HSPG2: variants seen among roughly 807,000 people sequenced by gnomAD.
The protein encoded by HSPG2 is basement membrane-specific heparan sulfate proteoglycan core protein.
HSPG2 carries 278 observed loss-of-function variants against 526.6 expected under a neutral mutation model. That is an observed-to-expected ratio of 0.53 (90% CI 0.48 to 0.58). The LOEUF is 0.58. Ranked by LOEUF, HSPG2 falls within the 20% of genes least tolerant of loss-of-function variation. HSPG2 has a pLI of 0.00. For missense variants in HSPG2, 5,354 were observed against 6,099.5 expected, an observed-to-expected ratio of 0.88 and a Z score of 4.07; for synonymous variants, 2,465 against 2,555.4, an observed-to-expected ratio of 0.96 and a Z score of 1.07.
intron 1 of HSPG2, among the ~76,000 whole-genome samples, chr1:21,918,505 C>T (rs1284731743): frequency 6.6e-6 from 1 of 151,636 alleles, no homozygotes; most frequent in East Asian, 1.9e-4. Flanking sequence ...AATAATAGTA[C>T]CTGCCTTATT....
intron 1 of HSPG2, among the ~76,000 whole-genome samples, chr1:21,929,566 C>T (rs1644293974): frequency 6.6e-6 from 1 of 150,788 alleles, no homozygotes; most frequent in African/African-American, 2.5e-5. Flanking sequence ...AGCCACCACT[C>T]CTGGCCCACC....
In HSPG2 at chr1:21,911,913, A is replaced by G. The variant is rs182334174; in HGVS notation, c.64-15603T>C. Among the ~76,000 whole-genome samples the G allele has an allele frequency of 3.9e-4, 60 of 152,262 alleles. No individual in the cohort carries two copies. In the East Asian group the frequency reaches 9.7e-3, roughly 25 times the overall value. The stretch of plus-strand genomic sequence containing the variant: ...TCTGAACTCTCACATACCCATAATT[A>G]CAACTGACCATATTTTCCAAAGCAG... On this transcript the variant is annotated intron_variant, in intron 1 of 96. Transcript: ENST00000374695.
chr1:21,852,382 T>A, intron 52 of HSPG2, 149 bp from the exon 53 acceptor site: 1 of 1,007,046 alleles, frequency 9.9e-7, no homozygotes, highest in Non-Finnish European at 1.5e-6. Context: ...TGCCCTCAGC[T>A]CAGCAACCCT....
rs752763005 is a variant in HSPG2, at chr1:21,855,570, T to G, written c.5807A>C (p.His1936Pro). 3 of 1,598,946 alleles carry G rather than the reference T, an allele frequency of 1.9e-6. No individual in the cohort carries two copies. The highest frequency in any genetic ancestry group is 2.7e-5 in the African/African-American group (2 of 74,774). The change falls in exon 46 of 97, where the codon CAC becomes CCC. Residue 1936 changes from histidine to proline, a missense_variant. Transcript: ENST00000374695. ...GGCCACCTGCTGCCCAGCGCTGCTG[T>G]GGGCTCGGCACAAGTACTGGGCCTG... Reference protein sequence around the residue: ...TDQAQYLCRAHSSAGQQVARA... With the variant: ...TDQAQYLCRAPSSAGQQVARA...
rs781371043 is a variant in HSPG2 at position 21,831,226 on chromosome 1, G to A, written c.11551C>T (p.Arg3851Trp). The change falls in exon 84 of 97, where the codon CGG becomes TGG. Residue 3851 changes from arginine (R) to tryptophan (W), a missense_variant. Transcript: ENST00000374695. ...GGGTGTGGGGTCACCTGGCAGGGCC[G>A]GTCCCGACAGGTGGGGCAGTGGGAG... Reference protein sequence around the residue: ...GISHCPTCRDRPCQNGGQCHD... With the variant: ...GISHCPTCRDWPCQNGGQCHD... 1.7e-5 allele frequency: 27 copies of A among 1,613,666 alleles called. No homozygotes were observed. The highest frequency in any genetic ancestry group is 1.0e-4 in the Admixed American group (6 of 59,990).
rs371385355 is a variant in HSPG2, at chr1:21,874,476, C to T, written c.3586G>A (p.Gly1196Arg). 1.4e-5 allele frequency: 23 copies of T among 1,612,524 alleles called. No homozygotes were observed. Among genetic ancestry groups the T allele is most frequent in the East Asian group, 4.5e-5 (2 of 44,880 alleles). Residue 1196 changes from glycine (G) to arginine (R), a missense_variant, in exon 28 of 97, where the codon GGG becomes AGG. Gly to Arg is a moderately radical substitution (Grantham distance 125). Transcript: ENST00000374695. Reference protein sequence around the residue: ...RCEQCQPGYYGDAQRGTPQDC... With the variant: ...RCEQCQPGYYRDAQRGTPQDC... ...TGTGGTGTCCCCCGCTGGGCGTCCCCGTAGTATCCTGGCTGGCACTGCTCA... is the reference window on the plus strand; with the variant it reads ...TGTGGTGTCCCCCGCTGGGCGTCCCTGTAGTATCCTGGCTGGCACTGCTCA...
At position 21,917,549 on chromosome 1, in the gene HSPG2, G is replaced by GA. The variant is rs1183587594; in HGVS notation, c.63+19605dup. Among the ~76,000 whole-genome samples, 4 of 152,228 alleles carry GA rather than the reference G, an allele frequency of 2.6e-5. No homozygotes were observed. The East Asian group carries it at 7.7e-4, about 29-fold the overall frequency. Reference sequence around the variant, plus strand: ...GTTGGTCGAGAAGCCATGTCTTTAAGAACACTGAGAATCTTCAATGGCAAA... The same window carrying GA: ...GTTGGTCGAGAAGCCATGTCTTTAAGAAACACTGAGAATCTTCAATGGCAAA... On this transcript the variant is annotated intron_variant, in intron 1 of 96. Coordinates refer to ENST00000374695, the MANE Select transcript of HSPG2 (RefSeq NM_005529.7).
At chr1:21,870,096 T>C (rs921573204) in intron 33 of HSPG2, 12 of 270,448 alleles carry the variant, frequency 4.4e-5, no homozygotes, top group African/African-American at 6.9e-5. Flanking sequence ...TGGCCTGGCA[T>C]AGGGGAAATG....
At chr1:21,932,796 G>T (rs932327847) in intron 1 of HSPG2, among the ~76,000 whole-genome samples, 1 of 152,196 alleles carries the variant, frequency 6.6e-6, no homozygotes, top group Non-Finnish European at 1.5e-5. Context: ...CAGGCGAGGT[G>T]GCCCATGCCT....
In HSPG2 at chr1:21,875,856, T is replaced by C; in HGVS notation, c.3183+7A>G. 1.2e-6 allele frequency: 2 copies of C among 1,613,856 alleles called. No individual in the cohort carries two copies. Among genetic ancestry groups the C allele is most frequent in the Non-Finnish European group, 8.5e-7 (1 of 1,179,984 alleles). On this transcript the variant is annotated splice_region_variant and intron_variant, in intron 24 of 96. Coordinates refer to ENST00000374695, the MANE Select transcript of HSPG2 (RefSeq NM_005529.7). ...CACCCCTACCCCCAGGGGACAGTAT[T>C]GCTCACCTCCCGGAAAGGCACAATG...
rs749580877 is a variant in HSPG2, at chr1:21,842,099, G to A, written c.9096C>T (p.Thr3032=). ...PVISIDPPSS[T]VQQGQDASFK... ...AGCTGGCATCCTGGCCCTGCTGCAC[G>A]GTGCTGCTGGGCGGGTCGATGGAGA... The change falls in exon 69 of 97, where the codon ACC becomes ACT. Residue 3032 remains threonine, a synonymous_variant. Coordinates refer to ENST00000374695, the MANE Select transcript of HSPG2 (RefSeq NM_005529.7). The A allele has an allele frequency of 2.2e-5, 36 of 1,613,554 alleles. No individual in the cohort carries two copies. The highest frequency in any genetic ancestry group is 2.7e-5 in the African/African-American group (2 of 74,944).
In HSPG2 at chr1:21,864,961, G is replaced by T; in HGVS notation, c.4508C>A (p.Ala1503Glu). Residue 1503 changes from alanine to glutamate, a missense_variant, in exon 36 of 97, where the codon GCG becomes GAG. Physicochemically the swap from Ala to Glu is moderately radical, Grantham distance 107 (BLOSUM62 -1). Coordinates refer to ENST00000374695, the MANE Select transcript of HSPG2 (RefSeq NM_005529.7). This position sits in a 1 kb window ranked among gnomAD's most constrained non-coding sequence, Gnocchi z 4.8. ...CAGGCTGACTGCGCTGATGCTGGCC[G>T]CCAGCGGCACGGAGGAGAACGTGGC... is the stretch of plus-strand genomic sequence containing the variant. Reference protein sequence around the residue: ...IRATFSSVPLAASISAVSLEV... With the variant: ...IRATFSSVPLEASISAVSLEV... 1 of 1,599,398 alleles carries T rather than the reference G, an allele frequency of 6.3e-7. No individual in the cohort carries two copies. Among genetic ancestry groups the T allele is most frequent in the Non-Finnish European group, 8.5e-7 (1 of 1,174,876 alleles).
intron 52 of HSPG2, 46 bp from the exon 53 acceptor site, chr1:21,852,279 T>C: frequency 6.2e-7 from 1 of 1,612,288 alleles, no homozygotes; most frequent in Non-Finnish European, 8.5e-7. Context: ...GCTCCTGAGA[T>C]GAGAGGGCAG....
At chr1:21,922,704 CT>C (rs992413706) in intron 1 of HSPG2, among the ~76,000 whole-genome samples, 5 of 152,144 alleles carry the variant, frequency 3.3e-5, no homozygotes, top group African/African-American at 1.2e-4. Context: ...GAAGGTGGCC[CT>C]GCCTAAAACC....
At chr1:21,838,135 CAAAAAAA>C (rs35291473) in intron 74 of HSPG2, among the ~76,000 whole-genome samples, 27 of 75,286 alleles carry the variant, frequency 3.6e-4, no homozygotes, top group Middle Eastern at 8.3e-3. Flanking sequence ...GATTCTGTCT[CAAAAAAA>C]AAAAAAAAAA....
chr1:21,831,620 G>A (rs1275760729), intron 82 of HSPG2, 32 bp downstream of exon 82: 1 of 1,612,408 alleles, frequency 6.2e-7, no homozygotes, highest in East Asian at 2.2e-5. Flanking sequence ...CGGGATGAGG[G>A]CTGGAAGTAG....
At position 21,876,613 on chromosome 1, in the gene HSPG2, C is replaced by A. The variant is rs137904249; in HGVS notation, c.2725G>T (p.Gly909Cys). The A allele has an allele frequency of 1.1e-5, 17 of 1,614,206 alleles. No homozygotes were observed. The highest frequency in any genetic ancestry group is 1.4e-5 in the Non-Finnish European group (17 of 1,180,032). Residue 909 changes from glycine (G) to cysteine (C), a missense_variant, in exon 22 of 97, where the codon GGC becomes TGC. Transcript: ENST00000374695. ...TTTCGGGTACTCAGGTGGAAAGAGCCGTCAGCACATTCATTGCACAAGCGC... is the reference window on the plus strand; with the variant it reads ...TTTCGGGTACTCAGGTGGAAAGAGCAGTCAGCACATTCATTGCACAAGCGC... ...VGRLCNECADGSFHLSTRNPD... is the reference protein window; with the variant it reads ...VGRLCNECADCSFHLSTRNPD...
intron 1 of HSPG2, among the ~76,000 whole-genome samples, chr1:21,931,552 T>A (rs1644351430): frequency 6.6e-6 from 1 of 151,978 alleles, no homozygotes; most frequent in Non-Finnish European, 1.5e-5. Flanking sequence ...GGGAACCAAG[T>A]CATATTCACT....
In HSPG2 at chr1:21,872,593, C is replaced by T. The variant is rs1199799934; in HGVS notation, c.4029+27G>A. ...AACAGGCAGCAGGTGGCAACACCGCCTGGGGCTGGGCAGCACAGGCTCTCA... is the reference window on the plus strand; with the variant it reads ...AACAGGCAGCAGGTGGCAACACCGCTTGGGGCTGGGCAGCACAGGCTCTCA... On this transcript the variant is annotated intron_variant, in intron 32 of 96. Transcript: ENST00000374695. The surrounding 1 kb of genome is among the most constrained non-coding windows in gnomAD (Gnocchi z 5.5). 2 of 1,569,940 alleles carry T rather than the reference C, an allele frequency of 1.3e-6. No individual in the cohort carries two copies. The highest frequency in any genetic ancestry group is 2.3e-5 in the South Asian group (2 of 85,476).
Sources: gnomAD v4.1 joint callset for allele counts (sites outside exome capture counted in the v4.1 genomes callset) on GRCh38, gnomAD v4.1.1 for gene constraint, Gnocchi (gnomAD v3.1) non-coding constraint, MANE v1.5 for transcripts, NCBI Gene and HGNC (gene_info 2026-07-23, HGNC 2026-07-21) for gene names.